GALNT13: variants seen among roughly 807,000 people sequenced by gnomAD.
GALNT13 encodes polypeptide N-acetylgalactosaminyltransferase 13.
GALNT13 carries 28 observed loss-of-function variants against 64.2 expected under a neutral mutation model. The ratio of observed to expected loss-of-function variants is 0.44; its 90% confidence interval spans 0.32 to 0.60. The LOEUF (loss-of-function observed/expected upper bound fraction) is 0.60. GALNT13 is among the 20% of genes least tolerant of loss of function. The pLI is 0.05. For missense variants in GALNT13, 577 were observed against 669.8 expected (o/e 0.86, Z 1.53); for synonymous variants, 214 against 224.6 (o/e 0.95, Z 0.42).
At chr2:154,437,911 A>T (rs1701074247) in intron 11 of GALNT13, 1 of 217,402 alleles carries the variant, frequency 4.6e-6, no homozygotes, top group African/African-American at 2.4e-5. Flanking sequence ...TAAATAAATT[A>T]TTCACACCAG....
At chr2:153,304,842 T>C in the GALNT13 span, among the ~76,000 whole-genome samples, 1 of 152,148 alleles carries the variant, frequency 6.6e-6, no homozygotes, top group Non-Finnish European at 1.5e-5. Flanking sequence ...AAATGATTCT[T>C]TTTTGGTGCA....
At chr2:153,522,101 G>A in the GALNT13 span, among the ~76,000 whole-genome samples, 6,190 of 152,138 alleles carry the variant, frequency 0.041, 404 homozygotes, top group African/African-American at 0.14. Flanking sequence ...TTGGGAGGCC[G>A]TGGTGGGCAG....
chr2:153,783,601 G>T, the GALNT13 span, among the ~76,000 whole-genome samples: 2 of 151,976 alleles, frequency 1.3e-5, no homozygotes, highest in African/African-American at 4.8e-5. Flanking sequence ...ATAGGGTTTC[G>T]CTGTGTGCCC....
At chr2:153,330,701 TATAGA>T in the GALNT13 span, among the ~76,000 whole-genome samples, 1 of 152,120 alleles carries the variant, frequency 6.6e-6, no homozygotes, top group African/African-American at 2.4e-5. Context: ...GTTTTCTAGG[TATAGA>T]ATCATATCAT....
At chr2:153,619,636 A>G in the GALNT13 span, among the ~76,000 whole-genome samples, 1 of 152,054 alleles carries the variant, frequency 6.6e-6, no homozygotes, top group Non-Finnish European at 1.5e-5. Flanking sequence ...ATCTGGTATT[A>G]ATGAAACCCT....
At chr2:154,000,089 C>A (rs1180954804) in intron 3 of GALNT13, among the ~76,000 whole-genome samples, 2 of 151,958 alleles carry the variant, frequency 1.3e-5, no homozygotes, top group East Asian at 1.9e-4. Context: ...CAGGAATTTA[C>A]CCATTTCTTC....
At chr2:153,634,349 A>G in the GALNT13 span, among the ~76,000 whole-genome samples, 4 of 152,058 alleles carry the variant, frequency 2.6e-5, no homozygotes, top group Non-Finnish European at 4.4e-5. Flanking sequence ...AGAATGTAGT[A>G]CATGTCTATT....
At chr2:153,825,607 GC>G in the GALNT13 span, among the ~76,000 whole-genome samples, 10 of 114,826 alleles carry the variant, frequency 8.7e-5, no homozygotes, top group African/African-American at 3.5e-4. Context: ...TTCCATGAGT[GC>G]TGTGTGTGTG....
chr2:153,258,283 C>T, the GALNT13 span, among the ~76,000 whole-genome samples: 13 of 152,056 alleles, frequency 8.5e-5, no homozygotes, highest in African/African-American at 3.1e-4. Flanking sequence ...CAGTGGCTTC[C>T]CCCCACCCAC....
chr2:153,800,597 T>G, the GALNT13 span, among the ~76,000 whole-genome samples: 1 of 152,234 alleles, frequency 6.6e-6, no homozygotes. Context: ...AGCTACATTA[T>G]CAATTAAGTT....
intron 8 of GALNT13, among the ~76,000 whole-genome samples, chr2:154,269,502 T>C (rs1331691256): frequency 6.6e-6 from 1 of 151,766 alleles, no homozygotes. Context: ...GCAGGATACT[T>C]TTCTTTAAAT....
the GALNT13 span, among the ~76,000 whole-genome samples, chr2:153,226,214 G>C: frequency 6.6e-6 from 1 of 152,092 alleles, no homozygotes; most frequent in Non-Finnish European, 1.5e-5. Flanking sequence ...TTACAGGTGT[G>C]AGCCACCACG....
intron 3 of GALNT13, among the ~76,000 whole-genome samples, chr2:154,111,358 A>G (rs1001958221): frequency 2.6e-5 from 4 of 152,198 alleles, no homozygotes; most frequent in Non-Finnish European, 5.9e-5. Context: ...GATCTCCTAT[A>G]TATCATGCAT....
chr2:154,388,749 T>A (rs775343), intron 9 of GALNT13, among the ~76,000 whole-genome samples: 3 of 151,880 alleles, frequency 2.0e-5, no homozygotes, highest in Admixed American at 6.6e-5. Context: ...ATGAAGTTCA[T>A]AATTACAATT....
intron 12 of GALNT13, among the ~76,000 whole-genome samples, chr2:154,446,040 T>C (rs1045134988): frequency 1.3e-5 from 2 of 152,082 alleles, no homozygotes; most frequent in African/African-American, 4.8e-5. Flanking sequence ...AATGTACATG[T>C]GGAACACAAC....
the GALNT13 span, among the ~76,000 whole-genome samples, chr2:153,842,895 A>C: frequency 5.9e-5 from 9 of 152,198 alleles, no homozygotes; most frequent in African/African-American, 1.7e-4. Context: ...ACTGGCCCAT[A>C]TAAAATAACA....
chr2:153,655,001 A>T, the GALNT13 span, among the ~76,000 whole-genome samples: 1 of 152,168 alleles, frequency 6.6e-6, no homozygotes, highest in East Asian at 1.9e-4. Flanking sequence ...TTAAGTATTA[A>T]GTAAATGTTT....
chr2:154,384,334 T>A (rs1351663369), intron 9 of GALNT13, among the ~76,000 whole-genome samples: 2 of 151,946 alleles, frequency 1.3e-5, no homozygotes, highest in African/African-American at 4.8e-5. Context: ...TTATTCATGA[T>A]GCACTTTACC....
intron 9 of GALNT13, among the ~76,000 whole-genome samples, chr2:154,351,421 C>T (rs1041445058): frequency 1.3e-5 from 2 of 152,004 alleles, no homozygotes; most frequent in Non-Finnish European, 1.5e-5. Flanking sequence ...AGGTGGCTCA[C>T]GCCTGTAATC....
Sources: allele counts gnomAD v4.1 joint callset (sites outside exome capture counted in the v4.1 genomes callset), GRCh38; gene constraint gnomAD v4.1.1; transcripts MANE v1.5; gene names NCBI Gene and HGNC (gene_info 2026-07-23, HGNC 2026-07-21).